Variants in CABCOCO1 observed in about 807,000 individuals in gnomAD.
CABCOCO1 encodes the protein ciliary-associated calcium-binding coiled-coil protein 1.
In CABCOCO1, 28 loss-of-function variants were observed where a neutral mutation model predicts 35.7. That is an observed-to-expected ratio of 0.78 (90% confidence interval 0.58 to 1.07). The LOEUF is 1.07. Among genes scored for constraint, CABCOCO1 ranks in the 50% least tolerant of loss-of-function variants. The pLI, the probability that CABCOCO1 is intolerant of heterozygous loss-of-function variation, is 0.00. For missense variants in CABCOCO1, 326 were observed against 309.2 expected, an observed-to-expected ratio of 1.05 and a Z score of -0.41; for synonymous variants, 95 against 100.1, an observed-to-expected ratio of 0.95 and a Z score of 0.30.
intron 7 of CABCOCO1, 126 bp from the exon 8 acceptor site, chr10:61,765,813 C>A: frequency 2.6e-6 from 2 of 781,980 alleles, no homozygotes; most frequent in Non-Finnish European, 4.1e-6. Context: ...GCTATGTCTG[C>A]AAAACAGGAA....
At position 61,690,605 on chromosome 10, in the gene CABCOCO1, T is replaced by C. The variant is rs754958507; in HGVS notation, c.536T>C (p.Ile179Thr). The change falls in exon 5 of 8, where the codon ATT (isoleucine) becomes ACT (threonine). Residue 179 changes from isoleucine (I) to threonine (T), a missense_variant. Coordinates refer to ENST00000648843, the MANE Select transcript of CABCOCO1 (RefSeq NM_001366906.2). Reference sequence around the variant, plus strand: ...ATGTTCTACTCTGCCAGGGAAGAAATTGTGATAGGAACTGAGGTAAGTAAT... The same window carrying C: ...ATGTTCTACTCTGCCAGGGAAGAAACTGTGATAGGAACTGAGGTAAGTAAT... ...EFMFYSAREE[I>T]VIGTEQVIEV... The C allele has an allele frequency of 6.2e-7, 1 of 1,601,694 alleles. No homozygotes were observed. Among genetic ancestry groups the C allele is most frequent in the Non-Finnish European group, 8.5e-7 (1 of 1,169,742 alleles).
In CABCOCO1 at chr10:61,672,632, A is replaced by G; in HGVS notation, c.61A>G (p.Arg21Gly). Residue 21 changes from arginine (R) to glycine (G), a missense_variant and splice_region_variant, in exon 2 of 8, where the codon AGA becomes GGA. Arg to Gly is a moderately radical substitution (Grantham distance 125, BLOSUM62 -2). Transcript: ENST00000648843. ...CTCACTCCACATTGTGTTTTGGTAG[A>G]GAGACACTGAATTCCAGGAGCATGA... ...TPAGTTPESE[R>G]DTEFQEHEKI... The G allele has an allele frequency of 2.4e-6, 2 of 826,694 alleles. No homozygotes were observed. The highest frequency in any genetic ancestry group is 1.9e-5 in the African/African-American group (1 of 54,028). 51.2% of individuals were successfully genotyped at this position (826,694 alleles called of 1,614,324 possible).
chr10:61,711,928 T>C lies in CABCOCO1; in HGVS notation c.552+21307T>C, dbSNP rs558209812. Among the ~76,000 whole-genome samples, 107 of 151,984 alleles carry C rather than the reference T, an allele frequency of 7.0e-4. 1 individual carries two copies. The highest frequency in any genetic ancestry group is 2.4e-3 in the African/African-American group (101 of 41,508). On this transcript the variant is annotated intron_variant, in intron 5 of 7. Transcript: ENST00000648843. ...AAATGAAAGCACCAAATACCAAAAT[T>C]TGTGCTATTGTGAATAGTGCTGCAA...
chr10:61,688,332 C>A (rs986752618), intron 4 of CABCOCO1, among the ~76,000 whole-genome samples: 2 of 152,074 alleles, frequency 1.3e-5, no homozygotes, highest in Non-Finnish European at 2.9e-5. Context: ...TTTGGGAGAG[C>A]AGTTTTTAGA....
intron 5 of CABCOCO1, among the ~76,000 whole-genome samples, chr10:61,731,055 A>G (rs1841290626): frequency 6.6e-6 from 1 of 150,592 alleles, no homozygotes; most frequent in Non-Finnish European, 1.5e-5. Context: ...GGCAAATTTT[A>G]TTGGAGTAGA....
chr10:61,746,545 A>G (rs1473146505), intron 5 of CABCOCO1, among the ~76,000 whole-genome samples: 1 of 152,188 alleles, frequency 6.6e-6, no homozygotes, highest in African/African-American at 2.4e-5. Flanking sequence ...GCTTTGTTGT[A>G]TATCAGCTTG....
chr10:61,747,721 G>T (rs1841693641), intron 5 of CABCOCO1, among the ~76,000 whole-genome samples: 1 of 152,124 alleles, frequency 6.6e-6, no homozygotes, highest in South Asian at 2.1e-4. Context: ...ATCTGCTGAA[G>T]TGATATGTTG....
chr10:61,680,968 G>A (rs779731267), intron 2 of CABCOCO1, among the ~76,000 whole-genome samples, 175 bp from the exon 3 acceptor site: 21 of 151,154 alleles, frequency 1.4e-4, no homozygotes, highest in Middle Eastern at 3.5e-3. Context: ...CCCCATCCTC[G>A]TTCTCTCTCT....
intron 5 of CABCOCO1, among the ~76,000 whole-genome samples, chr10:61,699,453 C>T (rs767979039): frequency 1.3e-5 from 2 of 152,062 alleles, no homozygotes; most frequent in African/African-American, 2.4e-5. Flanking sequence ...ATCTGTTGGC[C>T]CACGAGCATC....
At chr10:61,689,051 A>G (rs925536103) in intron 4 of CABCOCO1, among the ~76,000 whole-genome samples, 2 of 152,232 alleles carry the variant, frequency 1.3e-5, no homozygotes, top group African/African-American at 4.8e-5. Flanking sequence ...TGCAATTAAA[A>G]GAATAAGGCT....
At chr10:61,701,320 T>C (rs1840452929) in intron 5 of CABCOCO1, among the ~76,000 whole-genome samples, 1 of 152,192 alleles carries the variant, frequency 6.6e-6, no homozygotes, top group African/African-American at 2.4e-5. Context: ...TATAAAAATG[T>C]CTGTTTTATT....
At chr10:61,760,292 A>G in intron 6 of CABCOCO1, 111 bp downstream of exon 6, 1 of 1,352,920 alleles carries the variant, frequency 7.4e-7, no homozygotes, top group East Asian at 2.3e-5. Context: ...GATTTTTCCC[A>G]ACCAAATACA....
At chr10:61,697,664 T>C (rs1330727349) in intron 5 of CABCOCO1, among the ~76,000 whole-genome samples, 2 of 152,136 alleles carry the variant, frequency 1.3e-5, no homozygotes, top group African/African-American at 2.4e-5. Flanking sequence ...TTTTACAATG[T>C]GAATGTCTTC....
In CABCOCO1 at chr10:61,739,920, C is replaced by T. The variant is rs547590773; in HGVS notation, c.553-20139C>T. 5.9e-5 allele frequency among the ~76,000 whole-genome samples: 9 copies of T among 151,948 alleles called. No individual in the cohort carries two copies. In the East Asian group the frequency reaches 1.4e-3, roughly 23 times the overall value. Reference sequence around the variant, plus strand: ...TCGCACCACTGCGCTCCAGCCTGGGCGACAGAGCGAGACTCCGTCTCAAAA... The same window carrying T: ...TCGCACCACTGCGCTCCAGCCTGGGTGACAGAGCGAGACTCCGTCTCAAAA... On this transcript the variant is annotated intron_variant, in intron 5 of 7. Transcript: ENST00000648843.
At chr10:61,731,462 C>T (rs1841300425) in intron 5 of CABCOCO1, among the ~76,000 whole-genome samples, 1 of 151,858 alleles carries the variant, frequency 6.6e-6, no homozygotes. Context: ...CAGGATCTTC[C>T]TTTTATCTCC....
chr10:61,760,939 T>C lies in CABCOCO1; in HGVS notation c.752T>C (p.Phe251Ser). 8 of 1,612,898 alleles carry C rather than the reference T, an allele frequency of 5.0e-6. No homozygotes were observed. The highest frequency in any genetic ancestry group is 6.8e-6 in the Non-Finnish European group (8 of 1,179,226). ...TCAGACATGGATCCTTTAGTTGGTT[T>C]TACCATTGAAGATGTAAAATCAGTG... is the stretch of plus-strand genomic sequence containing the variant. Reference protein sequence around the residue: ...DTSDMDPLVGFTIEDVKSVLD... With the variant: ...DTSDMDPLVGSTIEDVKSVLD... Residue 251 changes from phenylalanine (F) to serine (S), a missense_variant, in exon 7 of 8, where the codon TTT becomes TCT. By Grantham distance (155) the Phe-to-Ser change is radical. Transcript: ENST00000648843.
chr10:61,674,560 A>G (rs1297319475), intron 2 of CABCOCO1, among the ~76,000 whole-genome samples: 1 of 152,190 alleles, frequency 6.6e-6, no homozygotes, highest in Non-Finnish European at 1.5e-5. Flanking sequence ...ATTATTATAA[A>G]TGGGGGTTAT....
chr10:61,682,724 A>G (rs1839832242), intron 3 of CABCOCO1, among the ~76,000 whole-genome samples: 1 of 152,144 alleles, frequency 6.6e-6, no homozygotes, highest in Admixed American at 6.5e-5. Context: ...AGAGAAATTG[A>G]TAAGAGTCAG....
intron 6 of CABCOCO1, 78 bp from the exon 7 acceptor site, chr10:61,760,785 A>G: frequency 7.0e-7 from 1 of 1,438,762 alleles, no homozygotes; most frequent in Non-Finnish European, 9.4e-7. Context: ...TATATTTAAA[A>G]CAAGAAGTTT....
Sources: gnomAD v4.1 joint callset for allele counts (sites outside exome capture counted in the v4.1 genomes callset) on GRCh38, gnomAD v4.1.1 for gene constraint, MANE v1.5 for transcripts, NCBI Gene and HGNC (gene_info 2026-07-23, HGNC 2026-07-21) for gene names.